The following AK5 variants were observed in gnomAD, a reference collection of about 807,000 sequenced individuals.
The protein encoded by AK5 is adenylate kinase isoenzyme 5.
In AK5, 27 loss-of-function variants were observed where a neutral mutation model predicts 69.5. The ratio of observed to expected loss-of-function variants is 0.39; its 90% CI spans 0.29 to 0.54. The LOEUF is 0.54. Ranked by LOEUF, AK5 falls within the 20% of genes least tolerant of loss-of-function variation. The pLI is 0.71. For synonymous variants in AK5, 260 were observed against 244.4 expected (o/e 1.06, Z -0.60); for missense variants, 531 against 700.4 (o/e 0.76, Z 2.73).
At chr1:77,531,570 C>T (rs1276378587) in intron 12 of AK5, among the ~76,000 whole-genome samples, 2 of 152,144 alleles carry the variant, frequency 1.3e-5, no homozygotes, top group Non-Finnish European at 2.9e-5. Flanking sequence ...CTGAGCTATC[C>T]ACAGGGTGCT....
chr1:77,400,904 T>G (rs1649169978), intron 6 of AK5, among the ~76,000 whole-genome samples: 1 of 148,908 alleles, frequency 6.7e-6, no homozygotes, highest in East Asian at 2.0e-4. Flanking sequence ...ATCTGTCTTC[T>G]TTCATGATTT....
chr1:77,432,696 T>C (rs957708960), intron 8 of AK5, among the ~76,000 whole-genome samples: 4 of 152,194 alleles, frequency 2.6e-5, no homozygotes, highest in African/African-American at 9.6e-5. Flanking sequence ...GGGCCTCAAC[T>C]TCCCCAGAGG....
At chr1:77,289,732 G>A (rs1658571979) in intron 2 of AK5, among the ~76,000 whole-genome samples, 1 of 151,958 alleles carries the variant, frequency 6.6e-6, no homozygotes, top group African/African-American at 2.4e-5. Context: ...AAACAGTCAA[G>A]TACACCTGTA....
intron 6 of AK5, among the ~76,000 whole-genome samples, chr1:77,397,387 T>C (rs1047099589): frequency 1.7e-4 from 26 of 152,178 alleles, no homozygotes; most frequent in African/African-American, 5.8e-4. Flanking sequence ...TCCTCCGTCA[T>C]GAGGGCAGAG....
At chr1:77,448,017 C>T (rs1028921432) in intron 8 of AK5, among the ~76,000 whole-genome samples, 1 of 152,262 alleles carries the variant, frequency 6.6e-6, no homozygotes, top group East Asian at 1.9e-4. Context: ...CTTAGGGCAC[C>T]GACGAGCATG....
intron 6 of AK5, among the ~76,000 whole-genome samples, chr1:77,397,149 TCA>T (rs1648887218): frequency 1.3e-5 from 2 of 152,228 alleles, no homozygotes; most frequent in African/African-American, 4.8e-5. Flanking sequence ...CTCATCTTCT[TCA>T]AAGAAGTTAC....
chr1:77,539,015 G>A (rs1287007984), intron 13 of AK5, among the ~76,000 whole-genome samples: 1 of 152,232 alleles, frequency 6.6e-6, no homozygotes, highest in Admixed American at 6.5e-5. Flanking sequence ...ACATGGTCAA[G>A]CAATATTTAT....
intron 6 of AK5, among the ~76,000 whole-genome samples, chr1:77,378,978 A>G (rs1489120422): frequency 6.6e-6 from 1 of 152,098 alleles, no homozygotes; most frequent in Non-Finnish European, 1.5e-5. Flanking sequence ...TCTGGGCAGA[A>G]ACACACCACA....
intron 6 of AK5, among the ~76,000 whole-genome samples, chr1:77,379,208 C>A (rs896578290): frequency 1.3e-5 from 2 of 152,146 alleles, no homozygotes; most frequent in African/African-American, 4.8e-5. Flanking sequence ...AGAAAGCTTC[C>A]GATGGCTGTC....
chr1:77,421,243 A>G (rs1299323392), intron 8 of AK5, among the ~76,000 whole-genome samples: 1 of 152,138 alleles, frequency 6.6e-6, no homozygotes, highest in Admixed American at 6.6e-5. Context: ...TTTTATCCTC[A>G]GACAACTATA....
intron 12 of AK5, among the ~76,000 whole-genome samples, chr1:77,528,299 G>A (rs1436274504): frequency 6.6e-6 from 1 of 152,148 alleles, no homozygotes; most frequent in Non-Finnish European, 1.5e-5. Flanking sequence ...CATCAGGCCT[G>A]CAACTATGTT....
chr1:77,478,101 A>G (rs964958476), intron 8 of AK5, among the ~76,000 whole-genome samples: 12 of 152,292 alleles, frequency 7.9e-5, no homozygotes, highest in Admixed American at 5.9e-4. Flanking sequence ...CTCTTGTGCC[A>G]TGGGAAGCCC....
At chr1:77,371,591 G>A (rs1436832862) in intron 6 of AK5, 2 of 152,096 alleles carry the variant, frequency 1.3e-5, no homozygotes, top group South Asian at 2.1e-4. Context: ...CTTCCAAGTT[G>A]GGAAGATGTA....
intron 11 of AK5, among the ~76,000 whole-genome samples, chr1:77,520,302 C>T: frequency 6.6e-6 from 1 of 151,950 alleles, no homozygotes; most frequent in Non-Finnish European, 1.5e-5. Flanking sequence ...GATGGAGTTG[C>T]TCTGGTTCAA....
intron 10 of AK5, among the ~76,000 whole-genome samples, chr1:77,515,658 G>C (rs1442394074): frequency 6.6e-6 from 1 of 152,190 alleles, no homozygotes; most frequent in East Asian, 1.9e-4. Flanking sequence ...TACAGCATTG[G>C]CTCCAACAGA....
At chr1:77,343,907 T>C (rs1378488711) in intron 6 of AK5, among the ~76,000 whole-genome samples, 1 of 152,216 alleles carries the variant, frequency 6.6e-6, no homozygotes, top group Non-Finnish European at 1.5e-5. Flanking sequence ...ACATAGGTTA[T>C]TGAAGAAATC....
chr1:77,397,154 G>GA (rs1648887742), intron 6 of AK5, among the ~76,000 whole-genome samples: 2 of 152,188 alleles, frequency 1.3e-5, no homozygotes, highest in African/African-American at 4.8e-5. Flanking sequence ...CTTCTTCAAA[G>GA]AAGTTACATC....
intron 11 of AK5, 63 bp from the exon 12 acceptor site, chr1:77,521,764 C>A: frequency 1.6e-6 from 2 of 1,249,326 alleles, no homozygotes; most frequent in Non-Finnish European, 2.3e-6. Context: ...CTGAAGGAGA[C>A]TTGGGGTACT....
At chr1:77,387,768 T>G (rs918342792) in intron 6 of AK5, among the ~76,000 whole-genome samples, 10 of 152,226 alleles carry the variant, frequency 6.6e-5, no homozygotes, top group African/African-American at 2.4e-4. Flanking sequence ...CTCTTGCATC[T>G]TGCTTAAAGT....
Sources: gnomAD v4.1 joint callset for allele counts (sites outside exome capture counted in the v4.1 genomes callset) on GRCh38, gnomAD v4.1.1 for gene constraint, MANE v1.5 for transcripts, NCBI Gene and HGNC (gene_info 2026-07-23, HGNC 2026-07-21) for gene names.